The following PXDN variants were observed in gnomAD, a reference collection of about 807,000 sequenced individuals.
PXDN encodes the protein peroxidasin homolog.
In PXDN, 77 loss-of-function variants were observed where a neutral mutation model predicts 140.3. The ratio of observed to expected loss-of-function variants is 0.55; its 90% CI spans 0.46 to 0.66. The LOEUF (loss-of-function observed/expected upper bound fraction) is 0.66. Among genes scored for constraint, PXDN ranks in the 30% least tolerant of loss-of-function variants. PXDN has a pLI of 0.00. For missense variants in PXDN, 1,838 were observed against 2,039.5 expected (o/e 0.90, Z 1.90); for synonymous variants, 911 against 857.4 (o/e 1.06, Z -1.09).
chr2:1,641,793 G>A (rs1188958496), intron 19 of PXDN, among the ~76,000 whole-genome samples: 2 of 152,206 alleles, frequency 1.3e-5, no homozygotes, highest in Admixed American at 6.5e-5. Context: ...GATTTTCTTA[G>A]CAAAAGAACA....
intron 1 of PXDN, among the ~76,000 whole-genome samples, chr2:1,731,181 T>C (rs968469336): frequency 2.2e-4 from 23 of 103,094 alleles, no homozygotes; most frequent in African/African-American, 7.2e-4. Flanking sequence ...CACACACACA[T>C]GAACTAGTGA....
intron 12 of PXDN, among the ~76,000 whole-genome samples, chr2:1,663,164 C>T (rs1057231794): frequency 2.0e-5 from 3 of 152,074 alleles, no homozygotes; most frequent in Admixed American, 6.5e-5. Context: ...CAAGGATGAG[C>T]GGGCAGACGG....
At chr2:1,743,714 A>G (rs1214727074) in intron 1 of PXDN, among the ~76,000 whole-genome samples, 1 of 37,308 alleles carries the variant, frequency 2.7e-5, no homozygotes, top group African/African-American at 1.7e-4. Flanking sequence ...GAGGAGGAGG[A>G]GGAAGGGGAG....
At chr2:1,731,532 C>T (rs1572201763) in intron 1 of PXDN, among the ~76,000 whole-genome samples, 2 of 152,162 alleles carry the variant, frequency 1.3e-5, no homozygotes, top group South Asian at 2.1e-4. Flanking sequence ...GAGCTTCAGG[C>T]GGGGCACAGC....
chr2:1,716,458 A>AAC (rs1684897791), intron 1 of PXDN, among the ~76,000 whole-genome samples: 1 of 149,784 alleles, frequency 6.7e-6, no homozygotes, highest in African/African-American at 2.5e-5. Context: ...AAAAAAAAAA[A>AAC]AAAAAAAAAA....
chr2:1,720,669 T>TTCTC (rs140201640), intron 1 of PXDN, among the ~76,000 whole-genome samples: 742 of 33,076 alleles, frequency 0.022, 6 homozygotes, highest in East Asian at 0.057. Context: ...CTGCATCTCT[T>TTCTC]TCTCTCTGCA....
rs370428928 is a variant in PXDN at position 1,665,122 on chromosome 2, G to A, written c.1292-48C>T. ...AACAGGACATGTAAAAAACAGCCTG[G>A]GGTAAAAACGCGACCAAGAAAATGA... On this transcript the variant is annotated intron_variant, in intron 10 of 22. Coordinates refer to ENST00000252804, the MANE Select transcript of PXDN (RefSeq NM_012293.3). The A allele has an allele frequency of 7.2e-6, 10 of 1,383,256 alleles. No individual in the cohort carries two copies. The African/African-American group carries it at 1.2e-4, about 16-fold the overall frequency. 85.7% of individuals were successfully genotyped at this position (1,383,256 alleles called of 1,614,324 possible).
chr2:1,666,603 C>A, intron 9 of PXDN, 117 bp from the exon 10 acceptor site: 2 of 1,232,362 alleles, frequency 1.6e-6, no homozygotes, highest in Non-Finnish European at 2.2e-6. Context: ...GCAAAACAAA[C>A]ACAACGTAAC....
intron 1 of PXDN, among the ~76,000 whole-genome samples, chr2:1,710,456 A>G (rs1461159139): frequency 6.6e-6 from 1 of 151,700 alleles, no homozygotes; most frequent in African/African-American, 2.4e-5. Flanking sequence ...TTAGATGAGC[A>G]CCCGTTCCAC....
At chr2:1,661,165 A>C (rs1683295723) in intron 13 of PXDN, 128 bp from the exon 14 acceptor site, 1 of 1,088,432 alleles carries the variant, frequency 9.2e-7, no homozygotes, top group African/African-American at 1.6e-5. Context: ...GGCTGCGCTC[A>C]GATCCATCCA....
In PXDN at chr2:1,660,361, T is replaced by C. The variant is rs1683275225; in HGVS notation, c.1837+520A>G. On this transcript the variant is annotated intron_variant, in intron 14 of 22. Transcript: ENST00000252804. This position sits in a 1 kb window ranked among gnomAD's most constrained non-coding sequence, Gnocchi z 4.6. ...GGATGCAAACAGACAGATGCAGGCATGGAGTCAGGACGGCTCTAGGACCAC... is the reference window on the plus strand; with the variant it reads ...GGATGCAAACAGACAGATGCAGGCACGGAGTCAGGACGGCTCTAGGACCAC... Among the ~76,000 whole-genome samples the C allele has an allele frequency of 6.6e-6, 1 of 151,952 alleles. No homozygotes were observed. The highest frequency in any genetic ancestry group is 1.5e-5 in the Non-Finnish European group (1 of 67,990).
At chr2:1,641,305 C>T (rs12990613) in intron 19 of PXDN, among the ~76,000 whole-genome samples, 40,583 of 151,908 alleles carry the variant, frequency 0.27, 5,634 homozygotes, top group Middle Eastern at 0.34. Flanking sequence ...GTGCCCGCCA[C>T]CACGCCCGGC....
intron 1 of PXDN, among the ~76,000 whole-genome samples, chr2:1,701,871 TGA>T (rs1684442983): frequency 6.6e-6 from 1 of 152,100 alleles, no homozygotes; most frequent in Non-Finnish European, 1.5e-5. Flanking sequence ...GTCCACAATG[TGA>T]GAGGACACGA....
chr2:1,649,594 A>G lies in PXDN; in HGVS notation c.2186T>C (p.Val729Ala). The G allele has an allele frequency of 6.2e-7, 1 of 1,614,030 alleles. No homozygotes were observed. Among genetic ancestry groups the G allele is most frequent in the Non-Finnish European group, 8.5e-7 (1 of 1,179,898 alleles). The change falls in exon 17 of 23, where the codon GTG (valine) becomes GCG (alanine). Residue 729 changes from valine (V) to alanine (A), a missense_variant. Physicochemically the swap from Val to Ala is moderately conservative, Grantham distance 64. Around this residue, in one of 5 missense-constraint regions of PXDN, gnomAD observed 537 missense variants for 583.9 expected, o/e 0.92. Transcript: ENST00000252804. The surrounding 1 kb of genome is among the most constrained non-coding windows in gnomAD (Gnocchi z 7.1). ...GAAGCACATGTCCGAGCAGTTGTTC[A>G]CGCGCCGGTGGGCGGTACAGCCCGA... ...NLSGCTAHRRVNNCSDMCFHQ... is the reference protein window; with the variant it reads ...NLSGCTAHRRANNCSDMCFHQ...
intron 8 of PXDN, chr2:1,676,408 CT>C (rs1475664835): frequency 5.1e-5 from 8 of 156,806 alleles, no homozygotes; most frequent in Non-Finnish European, 9.9e-5. Context: ...CAAGAGAAGA[CT>C]TCCTTTGTTT....
chr2:1,658,637 C>T (rs1272693636), intron 14 of PXDN, among the ~76,000 whole-genome samples: 6 of 152,114 alleles, frequency 3.9e-5, no homozygotes, highest in Non-Finnish European at 7.4e-5. Context: ...GACTGGCTCA[C>T]GGTGCTCCTC....
In PXDN at chr2:1,744,261, G is replaced by T; in HGVS notation, c.195C>A (p.Ser65=). The change falls in exon 1 of 23, where the codon TCC becomes TCA. Residue 65 remains serine, a synonymous_variant. Coordinates refer to ENST00000252804, the MANE Select transcript of PXDN (RefSeq NM_012293.3). ...EAVPAVAPQT[S]ILDLRFNRIR... is the part of the protein sequence containing the mutation. ...GCGTCCCCCGCGGCACTCACAGGAT[G>T]GAGGTCTGCGGCGCCACGGCGGGCA... The T allele has an allele frequency of 6.6e-7, 1 of 1,514,396 alleles. No individual in the cohort carries two copies. The highest frequency in any genetic ancestry group is 1.2e-5 in the South Asian group (1 of 81,740). The allele number at this position is 1,514,396 out of a possible 1,614,324, so 93.8% of individuals were successfully genotyped here. A position where few individuals can be genotyped will look rare whatever the true frequency, so the allele number is the denominator to read the frequency against.
At chr2:1,736,681 A>T (rs776543505) in intron 1 of PXDN, among the ~76,000 whole-genome samples, 148 of 81,748 alleles carry the variant, frequency 1.8e-3, no homozygotes, top group African/African-American at 6.8e-3. Context: ...AAAGAAATTT[A>T]AAAAAAAAAA....
In PXDN at chr2:1,684,113, T is replaced by C; in HGVS notation, c.455A>G (p.Asp152Gly). 6.3e-7 allele frequency: 1 copy of C among 1,588,092 alleles called. No homozygotes were observed. Among genetic ancestry groups the C allele is most frequent in the African/African-American group, 1.3e-5 (1 of 74,494 alleles). Residue 152 changes from aspartate to glycine, a missense_variant, in exon 5 of 23, where the codon GAT becomes GGT. This residue lies in a region of PXDN where 231 missense variants were observed against 201.5 expected (regional missense o/e 1.15). Coordinates refer to ENST00000252804, the MANE Select transcript of PXDN (RefSeq NM_012293.3). ...GAGCTTCGGGAGATGCTGGAACGAATCTGGGTCCAAAGTTTCTATCTGATT... is the reference window on the plus strand; with the variant it reads ...GAGCTTCGGGAGATGCTGGAACGAACCTGGGTCCAAAGTTTCTATCTGATT... ...HFNQIETLDP[D>G]SFQHLPKLER...
Sources: allele counts gnomAD v4.1 joint callset (sites outside exome capture counted in the v4.1 genomes callset), GRCh38; gene constraint gnomAD v4.1.1; regional missense constraint gnomAD v4.1.1; non-coding constraint Gnocchi (gnomAD v3.1); transcripts MANE v1.5; gene names NCBI Gene and HGNC (gene_info 2026-07-23, HGNC 2026-07-21).